Variants in NKTR observed in about 807,000 individuals in gnomAD.
The protein encoded by NKTR is NK-tumor recognition protein.
In NKTR, 67 loss-of-function variants were observed where a neutral mutation model predicts 156.3. The observed-to-expected ratio is 0.43, with a 90% CI of 0.35 to 0.53. NKTR has a LOEUF of 0.53. Among genes scored for constraint, NKTR ranks in the 20% least tolerant of loss-of-function variants. NKTR has a pLI of 0.01. For synonymous variants in NKTR, 640 were observed against 596.6 expected (o/e 1.07, Z -1.06); for missense variants, 1,604 against 1,730.9 (o/e 0.93, Z 1.30).
At chr3:42,629,926 G>A (rs1161736452) in intron 6 of NKTR, 1 of 985,418 alleles carries the variant, frequency 1.0e-6, no homozygotes, top group Non-Finnish European at 1.2e-6. Context: ...CTGTCAGAAG[G>A]GATGGCAGAT....
At chr3:42,606,155 G>A (rs987351751) in intron 2 of NKTR, among the ~76,000 whole-genome samples, 3 of 152,012 alleles carry the variant, frequency 2.0e-5, no homozygotes, top group African/African-American at 7.3e-5. Flanking sequence ...CCTCAATGAT[G>A]TTTAGATTTT....
chr3:42,619,400 T>C, intron 4 of NKTR: 1 of 1,233,298 alleles, frequency 8.1e-7, no homozygotes, highest in Middle Eastern at 2.9e-4. Context: ...TACTGTCTGA[T>C]TGCTTTTGTT....
rs369379770 is a variant in NKTR, at chr3:42,639,142, C to G, written c.3438C>G (p.Ser1146=). 30 of 1,613,640 alleles carry G rather than the reference C, an allele frequency of 1.9e-5. No homozygotes were observed. In the African/African-American group the frequency reaches 3.9e-4, roughly 21 times the overall value. The stretch of plus-strand genomic sequence containing the variant: ...CCCCAGCAAAAGTAGAGGAGACTTC[C>G]CCTCTAGGAAATGCACGGCTTGATA... ...RSSPAKVEET[S]PLGNARLDTP... is the part of the protein sequence containing the mutation. Residue 1146 remains serine, a synonymous_variant, in exon 13 of 17, where the codon TCC becomes TCG. Transcript: ENST00000232978.
At chr3:42,644,723 G>C (rs1372629149) in intron 16 of NKTR, among the ~76,000 whole-genome samples, 1 of 152,002 alleles carries the variant, frequency 6.6e-6, no homozygotes, top group Non-Finnish European at 1.5e-5. Context: ...TTTTCCTTCT[G>C]CCTGGAGACA....
intron 9 of NKTR, chr3:42,633,027 G>A: frequency 4.0e-6 from 5 of 1,260,962 alleles, no homozygotes; most frequent in Non-Finnish European, 5.0e-6. Context: ...CAGTTTTCGG[G>A]TGAAAATAGT....
At chr3:42,635,566 C>T in intron 12 of NKTR, 200 bp downstream of exon 12, 1 of 424,002 alleles carries the variant, frequency 2.4e-6, no homozygotes, top group South Asian at 5.1e-5. Context: ...ATCCTGTTTT[C>T]CTTAACAAAA....
At position 42,639,606 on chromosome 3, in the gene NKTR, A is replaced by G; in HGVS notation, c.3902A>G (p.Gln1301Arg). 6.2e-7 allele frequency: 1 copy of G among 1,614,244 alleles called. No individual in the cohort carries two copies. The change falls in exon 13 of 17, where the codon CAG (glutamine) becomes CGG (arginine). Residue 1301 changes from glutamine to arginine, a missense_variant. Gln to Arg is a conservative substitution (Grantham distance 43, BLOSUM62 1). Around this residue, in one of 6 missense-constraint regions of NKTR, gnomAD observed 193 missense variants for 220.2 expected, o/e 0.88. Coordinates refer to ENST00000232978, the MANE Select transcript of NKTR (RefSeq NM_005385.4). The stretch of plus-strand genomic sequence containing the variant: ...AATCAGGAGAGTTCAAGTGATGAGC[A>G]GACGCCTAGTCGGGATGATGATAGC... ...PRNQESSSDE[Q>R]TPSRDDDSQS...
rs1267321860 is a variant in NKTR at position 42,629,632 on chromosome 3, A to AAG, written c.375-913_375-912insGA. On this transcript the variant is annotated intron_variant, in intron 6 of 16. Transcript: ENST00000232978. The stretch of plus-strand genomic sequence containing the variant: ...TTCAAATTTCTGTTTTCTAGCTCTT[A>AAG]AATATCTGTTTCTCATTCTTATAAA... The AAG allele has an allele frequency of 4.1e-6, 4 of 977,840 alleles. No homozygotes were observed. In the Middle Eastern group the frequency reaches 1.6e-3, roughly 386 times the overall value. 60.6% of individuals were successfully genotyped at this position (977,840 alleles called of 1,614,324 possible). A position where few individuals can be genotyped will look rare whatever the true frequency, so the allele number is the denominator to read the frequency against.
chr3:42,640,994 C>T (rs2125823495), intron 13 of NKTR, among the ~76,000 whole-genome samples: 1 of 152,332 alleles, frequency 6.6e-6, no homozygotes, highest in South Asian at 2.1e-4. Flanking sequence ...TCTCATTTAC[C>T]TTCCCACCTC....
chr3:42,638,841 A>T lies in NKTR; in HGVS notation c.3137A>T (p.Glu1046Val). ...GAATCAAAAGAGAAAAAAGTTTCTG[A>T]AAACAATGAAACCATAAAAGATAAT... ...TQESKEKKVS[E>V]NNETIKDNIL... is the part of the protein sequence containing the mutation. Residue 1046 changes from glutamate to valine, a missense_variant, in exon 13 of 17, where the codon GAA becomes GTA. This residue lies in a region of NKTR where 1,255 missense variants were observed against 1,243.7 expected (regional missense o/e 1.01). Transcript: ENST00000232978. 1 of 1,602,028 alleles carries T rather than the reference A, an allele frequency of 6.2e-7. No homozygotes were observed. The highest frequency in any genetic ancestry group is 8.5e-7 in the Non-Finnish European group (1 of 1,177,028).
At position 42,642,569 on chromosome 3, in the gene NKTR, G is replaced by T; in HGVS notation, c.4115G>T (p.Ser1372Ile). Residue 1372 changes from serine to isoleucine, a missense_variant, in exon 14 of 17, where the codon AGT (serine) becomes ATT (isoleucine). Physicochemically the swap from Ser to Ile is moderately radical, Grantham distance 142. This residue lies in a region of NKTR where 193 missense variants were observed against 220.2 expected (regional missense o/e 0.88). Coordinates refer to ENST00000232978, the MANE Select transcript of NKTR (RefSeq NM_005385.4). ...AGAGGCCGAACCAGAAGCCGGAGCAGTTCCTACCGGAGTTACAAAAGTCAC... is the reference window on the plus strand; with the variant it reads ...AGAGGCCGAACCAGAAGCCGGAGCATTTCCTACCGGAGTTACAAAAGTCAC... ...YSRGRTRSRS[S>I]SYRSYKSHRT... 4 of 1,614,094 alleles carry T rather than the reference G, an allele frequency of 2.5e-6. No individual in the cohort carries two copies. In the South Asian group the frequency reaches 4.4e-5, roughly 18 times the overall value.
At chr3:42,601,106 C>T (rs781287622) in intron 2 of NKTR, 42 bp downstream of exon 2, 3 of 1,504,366 alleles carry the variant, frequency 2.0e-6, no homozygotes, top group Non-Finnish European at 2.7e-6. Context: ...CCGAGGCCTG[C>T]CTTGGCGAAG....
chr3:42,629,366 A>G, intron 6 of NKTR: 1 of 944,874 alleles, frequency 1.1e-6, no homozygotes, highest in Non-Finnish European at 1.3e-6. Context: ...TTGACATTTT[A>G]ATTTTTTTAA....
intron 12 of NKTR, 70 bp from the exon 13 acceptor site, chr3:42,636,798 C>T (rs1709455334): frequency 6.7e-7 from 1 of 1,489,696 alleles, no homozygotes; most frequent in African/African-American, 1.4e-5. Flanking sequence ...TTGTTGTTAA[C>T]AAAGCTGTGT....
chr3:42,630,193 T>A (rs2125802755), intron 6 of NKTR: 1 of 1,056,456 alleles, frequency 9.5e-7, no homozygotes, highest in East Asian at 6.8e-5. Context: ...TGAGGGTTTT[T>A]TTTTTTAAGT....
chr3:42,630,491 T>C, intron 6 of NKTR, 55 bp from the exon 7 acceptor site: 1 of 1,610,548 alleles, frequency 6.2e-7, no homozygotes, highest in Non-Finnish European at 8.5e-7. Context: ...TTCTGCTCTC[T>C]TCACCTGAAC....
chr3:42,640,546 T>C (rs1709795949), intron 13 of NKTR, among the ~76,000 whole-genome samples: 1 of 152,236 alleles, frequency 6.6e-6, no homozygotes, highest in Non-Finnish European at 1.5e-5. Context: ...TAAGAATCTT[T>C]GACGTTTGTT....
chr3:42,603,301 C>T (rs1705770426), intron 2 of NKTR, among the ~76,000 whole-genome samples: 1 of 144,826 alleles, frequency 6.9e-6, no homozygotes, highest in African/African-American at 2.5e-5. Flanking sequence ...TTAAGGCTGC[C>T]ATGAGCTATG....
intron 2 of NKTR, among the ~76,000 whole-genome samples, chr3:42,616,644 T>C (rs1465865377): frequency 6.6e-6 from 1 of 152,238 alleles, no homozygotes; most frequent in Non-Finnish European, 1.5e-5. Flanking sequence ...AGAACCATTT[T>C]TCTCTGGCAT....
Sources: allele counts gnomAD v4.1 joint callset (sites outside exome capture counted in the v4.1 genomes callset), GRCh38; gene constraint gnomAD v4.1.1; regional missense constraint gnomAD v4.1.1; transcripts MANE v1.5; gene names NCBI Gene and HGNC (gene_info 2026-07-23, HGNC 2026-07-21).